The following TADA2A variants were observed in gnomAD, a reference collection of about 807,000 sequenced individuals.
The protein encoded by TADA2A is transcriptional adapter 2-alpha.
TADA2A carries 38 observed loss-of-function variants against 67.4 expected under a neutral mutation model. That is an observed-to-expected ratio of 0.56 (90% CI 0.44 to 0.74). TADA2A has a LOEUF of 0.74. Ranked by LOEUF, TADA2A falls within the 30% of genes least tolerant of loss-of-function variation. TADA2A has a pLI of 0.00. For synonymous variants in TADA2A, 192 were observed against 181.6 expected (o/e 1.06, Z -0.46); for missense variants, 454 against 547.0 (o/e 0.83, Z 1.70).
rs1568133769 is a variant in TADA2A at position 37,419,753 on chromosome 17, G to C, written c.26-3756G>C. On this transcript the variant is annotated intron_variant, in intron 2 of 15. Coordinates refer to ENST00000615182, the MANE Select transcript of TADA2A (RefSeq NM_001166105.3). The stretch of plus-strand genomic sequence containing the variant: ...AGATCAAGCCATTGCACTGCAGCCT[G>C]GGTAACCAGAGTGAGACACTGTCTC... Among the ~76,000 whole-genome samples the C allele has an allele frequency of 2.2e-5, 3 of 136,312 alleles. 1 individual carries two copies. The highest frequency in any genetic ancestry group is 3.2e-5 in the Non-Finnish European group (2 of 62,394). 89.4% of individuals were successfully genotyped at this position (136,312 alleles called of 152,430 possible). A position where few individuals can be genotyped will look rare whatever the true frequency, so the allele number is the denominator to read the frequency against.
chr17:37,440,516 CCAAT>C lies in TADA2A; in HGVS notation c.300_303del (p.Asn100LysfsTer15), dbSNP rs2052882045. 1 of 1,613,920 alleles carries C rather than the reference CCAAT, an allele frequency of 6.2e-7. No homozygotes were observed. The highest frequency in any genetic ancestry group is 1.3e-5 in the African/African-American group (1 of 74,886). The stretch of plus-strand genomic sequence containing the variant: ...CCACAATCCTCTAGGCAGGATGTAG[CCAAT>C]CAAATGTGCACCAAGACCAAGGAGG... On this transcript the variant is annotated frameshift_variant, in exon 6 of 16. Coordinates refer to ENST00000615182, the MANE Select transcript of TADA2A (RefSeq NM_001166105.3). LOFTEE classifies it high-confidence loss of function.
chr17:37,439,310 T>A (rs2052827592), intron 5 of TADA2A, among the ~76,000 whole-genome samples: 1 of 152,000 alleles, frequency 6.6e-6, no homozygotes. Flanking sequence ...GGAAACAGGA[T>A]CTTGCTCTGT....
At position 37,478,122 on chromosome 17, in the gene TADA2A, A is replaced by AC; in HGVS notation, c.*1140_*1141insC. ...AACAAAGTGAGACTCTGTCTCAAAA[A>AC]AAAAAAAACAAAAAAAAACCTTTAA... On this transcript the variant is annotated 3_prime_UTR_variant, in exon 16 of 16. Transcript: ENST00000615182. 1 of 151,724 alleles carries AC rather than the reference A, an allele frequency of 6.6e-6. No homozygotes were observed. The highest frequency in any genetic ancestry group is 1.5e-5 in the Non-Finnish European group (1 of 67,956). The allele number at this position is 151,724 out of a possible 1,614,324, so 9.4% of individuals were successfully genotyped here.
At chr17:37,470,634 T>G in intron 13 of TADA2A, 102 bp downstream of exon 13, 5 of 1,225,832 alleles carry the variant, frequency 4.1e-6, no homozygotes, top group Non-Finnish European at 5.5e-6. Context: ...AATAATTGAG[T>G]AGCTGGAAGA....
chr17:37,475,579 T>C (rs1344755092), intron 15 of TADA2A, among the ~76,000 whole-genome samples: 1 of 151,910 alleles, frequency 6.6e-6, no homozygotes, highest in African/African-American at 2.4e-5. Context: ...TTCAAACGAT[T>C]CTCCTGCCCC....
chr17:37,423,750 T>TTA, intron 3 of TADA2A, 135 bp downstream of exon 3: 1 of 630,678 alleles, frequency 1.6e-6, no homozygotes, highest in Non-Finnish European at 2.4e-6. Context: ...TTCTTTTTCT[T>TTA]TCTTTTTTTT....
chr17:37,416,354 A>G (rs1568130384), intron 2 of TADA2A, among the ~76,000 whole-genome samples: 1 of 151,772 alleles, frequency 6.6e-6, no homozygotes, highest in Non-Finnish European at 1.5e-5. Flanking sequence ...TCCCAACCTC[A>G]GGTGATCTGC....
At chr17:37,428,340 C>A (rs139038271) in intron 4 of TADA2A, among the ~76,000 whole-genome samples, 181 of 152,288 alleles carry the variant, frequency 1.2e-3, no homozygotes, top group African/African-American at 4.3e-3. Context: ...CTTCTAGGTT[C>A]TTTCAGGTTG....
At chr17:37,413,901 A>G (rs1024443053) in intron 2 of TADA2A, among the ~76,000 whole-genome samples, 1 of 152,154 alleles carries the variant, frequency 6.6e-6, no homozygotes, top group Non-Finnish European at 1.5e-5. Flanking sequence ...TGTCACCAAG[A>G]TAATAAGCAT....
chr17:37,445,090 C>T (rs977278520), intron 8 of TADA2A, among the ~76,000 whole-genome samples: 1 of 152,150 alleles, frequency 6.6e-6, no homozygotes, highest in Non-Finnish European at 1.5e-5. Context: ...GGAAGGGAAT[C>T]AGTTTGAATT....
At chr17:37,425,378 A>T (rs2052375030) in intron 3 of TADA2A, among the ~76,000 whole-genome samples, 1 of 152,172 alleles carries the variant, frequency 6.6e-6, no homozygotes, top group Non-Finnish European at 1.5e-5. Context: ...CCCAGGCACC[A>T]CTTTGAGTAC....
At position 37,460,207 on chromosome 17, in the gene TADA2A, C is replaced by A. The variant is rs1007179329; in HGVS notation, c.668+1620C>A. Among the ~76,000 whole-genome samples the A allele has an allele frequency of 2.6e-5, 4 of 151,246 alleles. No individual in the cohort carries two copies. The East Asian group carries it at 5.8e-4, about 22-fold the overall frequency. On this transcript the variant is annotated intron_variant, in intron 9 of 15. Transcript: ENST00000615182. ...GGAATTACAGGTGTGAGCCACTGCA[C>A]TCGGACTGTTAGGCTTTTTTATTTT...
chr17:37,412,912 T>G (rs965577481), intron 2 of TADA2A, among the ~76,000 whole-genome samples: 2 of 152,126 alleles, frequency 1.3e-5, no homozygotes, highest in African/African-American at 4.8e-5. Context: ...ACTTTTTGGG[T>G]GTTGTTTCCT....
chr17:37,418,453 A>G (rs2052121454), intron 2 of TADA2A, among the ~76,000 whole-genome samples: 1 of 152,188 alleles, frequency 6.6e-6, no homozygotes, highest in Non-Finnish European at 1.5e-5. Context: ...GAGTACAATT[A>G]GGTTATATAA....
At chr17:37,413,020 C>T (rs1416744264) in intron 2 of TADA2A, among the ~76,000 whole-genome samples, 1 of 151,634 alleles carries the variant, frequency 6.6e-6, no homozygotes, top group Non-Finnish European at 1.5e-5. Flanking sequence ...CTCCACCTCC[C>T]GGGTTCAAGC....
intron 2 of TADA2A, among the ~76,000 whole-genome samples, chr17:37,416,440 T>A (rs1269764104): frequency 6.6e-6 from 1 of 152,202 alleles, no homozygotes; most frequent in Non-Finnish European, 1.5e-5. Flanking sequence ...CTGATATGTT[T>A]ACAAATATTT....
intron 4 of TADA2A, among the ~76,000 whole-genome samples, chr17:37,437,332 C>T (rs1287451869): frequency 6.6e-6 from 1 of 151,506 alleles, no homozygotes; most frequent in East Asian, 1.9e-4. Context: ...ACCTCGTGAT[C>T]CGCCCTCCTC....
chr17:37,465,603 T>C, intron 11 of TADA2A, 62 bp downstream of exon 11: 1 of 1,602,640 alleles, frequency 6.2e-7, no homozygotes. Flanking sequence ...ATAGGAGAGA[T>C]AATGGTGTGT....
chr17:37,454,521 C>T (rs1456110015), intron 8 of TADA2A: 2 of 154,544 alleles, frequency 1.3e-5, no homozygotes, highest in African/African-American at 2.4e-5. Context: ...TCTTGAATTC[C>T]TGACCTCATG....
Sources: gnomAD v4.1 joint callset for allele counts (sites outside exome capture counted in the v4.1 genomes callset) on GRCh38, gnomAD v4.1.1 for gene constraint, MANE v1.5 for transcripts, NCBI Gene and HGNC (gene_info 2026-07-23, HGNC 2026-07-21) for gene names.